ASB14: variants seen among roughly 807,000 people sequenced by gnomAD.
ASB14 encodes ankyrin repeat and SOCS box protein 14.
ASB14 carries 63 observed loss-of-function variants against 55.6 expected under a neutral mutation model. The ratio of observed to expected loss-of-function variants is 1.13; its 90% confidence interval spans 0.92 to 1.40. The LOEUF is 1.40. ASB14 is among the 40% of genes most tolerant of loss of function. The pLI is 0.00. For synonymous variants in ASB14, 256 were observed against 259.9 expected, an observed-to-expected ratio of 0.98 and a Z score of 0.15; for missense variants, 724 against 710.4, an observed-to-expected ratio of 1.02 and a Z score of -0.22.
Position 57,289,114 on chromosome 3 carries a change from G to A in ASB14, c.132C>T (p.Ser44=), listed in dbSNP as rs1038941732. The A allele has an allele frequency of 2.4e-5, 36 of 1,528,664 alleles. No homozygotes were observed. The highest frequency in any genetic ancestry group is 3.2e-5 in the Non-Finnish European group (36 of 1,139,542). The allele number at this position is 1,528,664 out of a possible 1,614,324, so 94.7% of individuals were successfully genotyped here. The change falls in exon 3 of 11, where the codon TCC becomes TCT. Residue 44 remains serine (S), a synonymous_variant. Transcript: ENST00000487349. ...QHAPKDESLH[S]FLSADYKKIV... ...TCTTCTTATAGTCAGCGCTCAAAAA[G>A]GAATGCAAACTGCAAAGAAAAAAAT...
In ASB14 at chr3:57,268,818, A is replaced by G. The variant is rs1281777979; in HGVS notation, c.*823T>C. ...GCCATTTTGCCTTCTATGGGGGGGA[A>G]ATAAATAAATATATATGTTATATGA... On this transcript the variant is annotated 3_prime_UTR_variant, in exon 11 of 11. Coordinates refer to ENST00000487349, the MANE Select transcript of ASB14 (RefSeq NM_001142733.3). The G allele has an allele frequency of 2.5e-5, 4 of 158,572 alleles. No homozygotes were observed. The highest frequency in any genetic ancestry group is 9.6e-5 in the African/African-American group (4 of 41,700). The allele number at this position is 158,572 out of a possible 1,614,324, so 9.8% of individuals were successfully genotyped here. A position where few individuals can be genotyped will look rare whatever the true frequency, so the allele number is the denominator to read the frequency against.
chr3:57,288,998 G>A (rs1333314827), intron 3 of ASB14, 70 bp downstream of exon 3: 18 of 1,227,106 alleles, frequency 1.5e-5, no homozygotes, highest in African/African-American at 3.0e-5. Context: ...GATTACAGGC[G>A]TGAGCCACTG....
chr3:57,269,927 T>G (rs1012455415), intron 10 of ASB14: 34 of 318,612 alleles, frequency 1.1e-4, no homozygotes, highest in Non-Finnish European at 1.2e-4. Flanking sequence ...CTCATCTCCC[T>G]GAAGCAGACT....
intron 6 of ASB14, among the ~76,000 whole-genome samples, chr3:57,280,874 GT>G (rs1283690175): frequency 6.6e-6 from 1 of 152,132 alleles, no homozygotes; most frequent in African/African-American, 2.4e-5. Flanking sequence ...TAATGATACT[GT>G]TTTGGTGGAA....
intron 5 of ASB14, among the ~76,000 whole-genome samples, chr3:57,284,096 G>A (rs891924386): frequency 9.9e-6 from 1 of 100,716 alleles, no homozygotes; most frequent in African/African-American, 4.3e-5. Flanking sequence ...CACTGTGTAT[G>A]TGTGTGTGTG....
intron 6 of ASB14, among the ~76,000 whole-genome samples, chr3:57,282,900 A>T (rs2061050321): frequency 6.6e-6 from 1 of 152,150 alleles, no homozygotes; most frequent in Non-Finnish European, 1.5e-5. Context: ...ATGATTCTAG[A>T]AAAGGACAAC....
chr3:57,287,873 CTCTT>C, intron 5 of ASB14, 24 bp downstream of exon 5: 2 of 1,534,222 alleles, frequency 1.3e-6, no homozygotes, highest in East Asian at 2.4e-5. Context: ...GTGCCACAGA[CTCTT>C]TCAGAAACAA....
At position 57,275,814 on chromosome 3, in the gene ASB14, T is replaced by C. The variant is rs769258949; in HGVS notation, c.*22+714A>G. ...CGGGCTACAAGCCTGTACAGCATGT[T>C]ACTGTACTGAATAGGCAATTATATA... On this transcript the variant is annotated intron_variant, in intron 10 of 10. Coordinates refer to ENST00000487349, the MANE Select transcript of ASB14 (RefSeq NM_001142733.3). Among the ~76,000 whole-genome samples, 15 of 152,356 alleles carry C rather than the reference T, an allele frequency of 9.8e-5. No homozygotes were observed. In the East Asian group the frequency reaches 2.9e-3, roughly 29 times the overall value.
chr3:57,283,402 C>T lies in ASB14; in HGVS notation c.507G>A (p.Leu169=). 6.4e-7 allele frequency: 1 copy of T among 1,551,604 alleles called. No individual in the cohort carries two copies. The highest frequency in any genetic ancestry group is 2.4e-5 in the East Asian group (1 of 40,914). ...GATTGACATCTGCTCCATAGTTGAT[C>T]AGCAAGGCAGCCATGTCATAGCAGT... ...LRDCYDMAAL[L]INYGADVNLR... is the part of the protein sequence containing the mutation. The change falls in exon 6 of 11, where the codon CTG becomes CTA. Residue 169 remains leucine (L), a synonymous_variant. Transcript: ENST00000487349.
intron 7 of ASB14, among the ~76,000 whole-genome samples, chr3:57,280,033 CT>C (rs1559521753): frequency 2.0e-5 from 3 of 152,070 alleles, no homozygotes; most frequent in Middle Eastern, 3.4e-3. Flanking sequence ...TGCTACAACT[CT>C]TTCTTTGAGC....
intron 7 of ASB14, 118 bp downstream of exon 7, chr3:57,280,184 A>AG (rs2061028453): frequency 1.5e-6 from 1 of 685,096 alleles, no homozygotes; most frequent in Admixed American, 3.6e-5. Flanking sequence ...AAAAAAAAAA[A>AG]AAGTATGTTT....
At chr3:57,278,282 G>A in intron 8 of ASB14, 95 bp downstream of exon 8, 1 of 917,390 alleles carries the variant, frequency 1.1e-6, no homozygotes, top group Non-Finnish European at 1.7e-6. Flanking sequence ...CTTCAACCAA[G>A]CCTCTGGAGA....
At chr3:57,290,024 T>C (rs1317608065) in intron 2 of ASB14, among the ~76,000 whole-genome samples, 1 of 152,220 alleles carries the variant, frequency 6.6e-6, no homozygotes, top group African/African-American at 2.4e-5. Flanking sequence ...GTTTACAATT[T>C]GGTCAATTAC....
chr3:57,268,655 A>G lies in ASB14; in HGVS notation c.*986T>C, dbSNP rs2060912095. On this transcript the variant is annotated 3_prime_UTR_variant, in exon 11 of 11. Coordinates refer to ENST00000487349, the MANE Select transcript of ASB14 (RefSeq NM_001142733.3). ...AGAAAAGGGTCACATCTGTTTTTTG[A>G]TATGATGTTTACATTATAGTTACGT... The G allele has an allele frequency of 1.6e-6, 1 of 625,590 alleles. No individual in the cohort carries two copies. The highest frequency in any genetic ancestry group is 1.8e-5 in the African/African-American group (1 of 54,692). The allele number at this position is 625,590 out of a possible 1,614,324, so 38.8% of individuals were successfully genotyped here.
chr3:57,270,062 C>A, intron 10 of ASB14: 1 of 157,612 alleles, frequency 6.3e-6, no homozygotes, highest in Non-Finnish European at 1.4e-5. Context: ...CATGGATATG[C>A]TTTTCTTTCA....
intron 8 of ASB14, among the ~76,000 whole-genome samples, 139 bp downstream of exon 8, chr3:57,278,224 TTTATTTTATCATAA>T (rs1425300147): frequency 6.6e-6 from 1 of 152,046 alleles, no homozygotes; most frequent in East Asian, 1.9e-4. Flanking sequence ...TACTATTGTG[TTTATTTTATCATAA>T]TTATTTTATC....
chr3:57,280,398 G>A lies in ASB14; in HGVS notation c.791C>T (p.Ala264Val). 1 of 1,551,540 alleles carries A rather than the reference G, an allele frequency of 6.4e-7. No homozygotes were observed. Among genetic ancestry groups the A allele is most frequent in the Non-Finnish European group, 8.7e-7 (1 of 1,146,846 alleles). The change falls in exon 7 of 11, where the codon GCT (alanine) becomes GTT (valine). Residue 264 changes from alanine to valine, a missense_variant. Ala to Val is a moderately conservative substitution (Grantham distance 64, BLOSUM62 0). Coordinates refer to ENST00000487349, the MANE Select transcript of ASB14 (RefSeq NM_001142733.3). ...TCCATACTCCAGCAAGAGAGCCACA[G>A]CATCTGGATTTCCTCCACTTGCGGC... is the stretch of plus-strand genomic sequence containing the variant. Reference protein sequence around the residue: ...LEAASGGNPDAVALLLEYGAD... With the variant: ...LEAASGGNPDVVALLLEYGAD...
At chr3:57,276,038 G>A (rs1468466682) in intron 10 of ASB14, among the ~76,000 whole-genome samples, 1 of 152,104 alleles carries the variant, frequency 6.6e-6, no homozygotes, top group Non-Finnish European at 1.5e-5. Flanking sequence ...CGTATCCTCT[G>A]AAGATAAGGG....
chr3:57,282,909 A>C (rs377458594), intron 6 of ASB14, among the ~76,000 whole-genome samples: 28 of 152,286 alleles, frequency 1.8e-4, no homozygotes, highest in East Asian at 9.7e-4. Flanking sequence ...GAAAAGGACA[A>C]CACCACAAAA....
Sources: gnomAD v4.1 joint callset for allele counts (sites outside exome capture counted in the v4.1 genomes callset) on GRCh38, gnomAD v4.1.1 for gene constraint, MANE v1.5 for transcripts, NCBI Gene and HGNC (gene_info 2026-07-23, HGNC 2026-07-21) for gene names.